Variants in PRDM7 observed in about 807,000 individuals in gnomAD.
The protein encoded by PRDM7 is histone-lysine N-methyltransferase PRDM7.
PRDM7 carries 52 observed loss-of-function variants against 64.3 expected under a neutral mutation model. The observed-to-expected ratio is 0.81, with a 90% CI of 0.65 to 1.02. The LOEUF is 1.02. Among genes scored for constraint, PRDM7 ranks in the 50% least tolerant of loss-of-function variants. The pLI is 0.00. For missense variants in PRDM7, 574 were observed against 597.1 expected, an observed-to-expected ratio of 0.96 and a Z score of 0.40; for synonymous variants, 192 against 210.1, an observed-to-expected ratio of 0.91 and a Z score of 0.74.
intron 4 of PRDM7, among the ~76,000 whole-genome samples, chr16:90,074,576 A>T (rs1488584225): frequency 6.6e-6 from 1 of 151,186 alleles, no homozygotes; most frequent in Admixed American, 6.6e-5. Flanking sequence ...ACTCTGTCTT[A>T]AAAAAAATAA....
intron 5 of PRDM7, 27 bp from the exon 6 acceptor site, chr16:90,063,795 A>G (rs1391327792): frequency 2.5e-6 from 4 of 1,612,738 alleles, no homozygotes; most frequent in Non-Finnish European, 3.4e-6. Flanking sequence ...ACATATTAAA[A>G]GACAACGTGC....
intron 6 of PRDM7, among the ~76,000 whole-genome samples, chr16:90,063,094 G>C (rs1450765317): frequency 2.0e-5 from 3 of 152,186 alleles, no homozygotes; most frequent in Admixed American, 6.5e-5. Flanking sequence ...CAATGCTTCT[G>C]TGTGGATTAT....
intron 10 of PRDM7, 140 bp downstream of exon 10, chr16:90,060,201 T>C: frequency 8.0e-7 from 1 of 1,246,776 alleles, no homozygotes. Flanking sequence ...ATAACATGAA[T>C]CTTTAATTTT....
chr16:90,066,038 T>C (rs940884139), intron 5 of PRDM7, among the ~76,000 whole-genome samples: 2 of 151,256 alleles, frequency 1.3e-5, no homozygotes, highest in African/African-American at 2.5e-5. Context: ...AGTTCCCTAA[T>C]TGGAGCCCAG....
chr16:90,073,555 G>A (rs1489894829), intron 4 of PRDM7, among the ~76,000 whole-genome samples: 1 of 151,892 alleles, frequency 6.6e-6, no homozygotes, highest in Non-Finnish European at 1.5e-5. Flanking sequence ...GCCCGCCACC[G>A]TGCCTGGCTA....
At chr16:90,060,168 C>A (rs2037747813) in intron 10 of PRDM7, among the ~76,000 whole-genome samples, 173 bp downstream of exon 10, 1 of 152,170 alleles carries the variant, frequency 6.6e-6, no homozygotes, top group Non-Finnish European at 1.5e-5. Context: ...AATATAAAAA[C>A]TGTTCCAAAG....
At position 90,057,769 on chromosome 16, in the gene PRDM7, G is replaced by T. The variant is rs2037706208; in HGVS notation, c.*520C>A. On this transcript the variant is annotated 3_prime_UTR_variant, in exon 11 of 11. Transcript: ENST00000449207. Reference sequence around the variant, plus strand: ...TCGCTGAAGCCACCTCAGAGCTGGGGTGTGCAAGTGTGTGGTGATCACGTT... The same window carrying T: ...TCGCTGAAGCCACCTCAGAGCTGGGTTGTGCAAGTGTGTGGTGATCACGTT... 2.3e-6 allele frequency: 3 copies of T among 1,319,410 alleles called. No homozygotes were observed. Among genetic ancestry groups the T allele is most frequent in the Middle Eastern group, 2.8e-4 (1 of 3,612 alleles). 81.7% of individuals were successfully genotyped at this position (1,319,410 alleles called of 1,614,324 possible).
Position 90,060,618 on chromosome 16 carries a change from A to C in PRDM7, c.956T>G (p.Val319Gly), listed in dbSNP as rs776158335. 4.3e-6 allele frequency: 7 copies of C among 1,614,080 alleles called. No individual in the cohort carries two copies. The South Asian group carries it at 5.5e-5, about 13-fold the overall frequency. Residue 319 changes from valine to glycine, a missense_variant, in exon 10 of 11, where the codon GTG becomes GGG. Val to Gly is a moderately radical substitution (Grantham distance 109). Coordinates refer to ENST00000449207, the MANE Select transcript of PRDM7 (RefSeq NM_001098173.2). Reference sequence around the variant, plus strand: ...CTCTTCATCATCCCGGGCACAGTTCACATACCTGGGGTCAAGGCAGGCAAA... The same window carrying C: ...CTCTTCATCATCCCGGGCACAGTTCCCATACCTGGGGTCAAGGCAGGCAAA... ...DKSSANWMRY[V>G]NCARDDEEQN...
Position 90,058,056 on chromosome 16 carries a change from T to C in PRDM7, c.*233A>G. On this transcript the variant is annotated 3_prime_UTR_variant, in exon 11 of 11. Transcript: ENST00000449207. ...TCCCCCCTGTGTGTGTCCTTTGGTG[T>C]GTAATAACATCTGACTTATCACTGA... 6.2e-7 allele frequency: 1 copy of C among 1,612,684 alleles called. No homozygotes were observed. Among genetic ancestry groups the C allele is most frequent in the Non-Finnish European group, 8.5e-7 (1 of 1,179,002 alleles).
chr16:90,076,356 G>C (rs574156303), intron 1 of PRDM7, among the ~76,000 whole-genome samples: 1 of 152,226 alleles, frequency 6.6e-6, no homozygotes, highest in East Asian at 1.9e-4. Flanking sequence ...GCTGGGACTT[G>C]GGTCACACTG....
At chr16:90,065,333 C>T (rs571494293) in intron 5 of PRDM7, among the ~76,000 whole-genome samples, 2 of 133,548 alleles carry the variant, frequency 1.5e-5, no homozygotes, top group South Asian at 4.6e-4. Context: ...GTGGAGGTTG[C>T]AGTGAGCCGA....
intron 5 of PRDM7, among the ~76,000 whole-genome samples, chr16:90,066,374 T>G (rs1464438209): frequency 6.6e-6 from 1 of 151,108 alleles, no homozygotes; most frequent in Non-Finnish European, 1.5e-5. Context: ...GGTTGAAAAA[T>G]CAATTGGACG....
chr16:90,063,011 T>C (rs1567876290), intron 6 of PRDM7, among the ~76,000 whole-genome samples: 1 of 152,204 alleles, frequency 6.6e-6, no homozygotes, highest in Non-Finnish European at 1.5e-5. Context: ...ATACATGAGC[T>C]CTATATACTT....
Position 90,063,681 on chromosome 16 carries a change from G to C in PRDM7, c.439C>G (p.Gln147Glu). Residue 147 changes from glutamine (Q) to glutamate (E), a missense_variant, in exon 6 of 11, where the codon CAG (glutamine) becomes GAG (glutamate). Transcript: ENST00000449207. ...GGAGGGGACACTGGTTTCTGAGCCT[G>C]CTCTGAGTCACTTGTATTCAGTAAA... Reference protein sequence around the residue: ...PNLLNTSDSEQAQKPVSPPGE... With the variant: ...PNLLNTSDSEEAQKPVSPPGE... The C allele has an allele frequency of 6.2e-7, 1 of 1,614,176 alleles. No individual in the cohort carries two copies. Among genetic ancestry groups the C allele is most frequent in the Non-Finnish European group, 8.5e-7 (1 of 1,180,018 alleles).
At chr16:90,072,967 C>A (rs1208698715) in intron 4 of PRDM7, among the ~76,000 whole-genome samples, 1 of 152,186 alleles carries the variant, frequency 6.6e-6, no homozygotes, top group East Asian at 1.9e-4. Flanking sequence ...AAGTTGCTTT[C>A]TCCAGTTTGG....
In PRDM7 at chr16:90,058,462, T is replaced by A. The variant is rs1440200673; in HGVS notation, c.1306A>T (p.Met436Leu). ...CTGAGAGGAGTGATTGCGTTCCACA[T>A]GTTGACTGAGAAATTTTTGACTTGA... ...PFQVKNFSVN[M>L]WNAITPLRTS... The change falls in exon 11 of 11, where the codon ATG becomes TTG. Residue 436 changes from methionine (M) to leucine (L), a missense_variant. Physicochemically the swap from Met to Leu is conservative, Grantham distance 15. Transcript: ENST00000449207. 6.2e-7 allele frequency: 1 copy of A among 1,614,200 alleles called. No individual in the cohort carries two copies. The highest frequency in any genetic ancestry group is 1.7e-5 in the Admixed American group (1 of 60,022).
At chr16:90,065,769 C>G (rs1215230132) in intron 5 of PRDM7, among the ~76,000 whole-genome samples, 1 of 151,420 alleles carries the variant, frequency 6.6e-6, no homozygotes. Context: ...AAATAACAAA[C>G]GAAAATTATC....
intron 4 of PRDM7, among the ~76,000 whole-genome samples, chr16:90,074,661 G>A (rs1163072932): frequency 6.6e-6 from 1 of 151,984 alleles, no homozygotes; most frequent in Non-Finnish European, 1.5e-5. Flanking sequence ...ATCACCTGAG[G>A]TCAGGAGTTC....
intron 4 of PRDM7, among the ~76,000 whole-genome samples, chr16:90,069,083 G>A (rs2037920744): frequency 6.6e-6 from 1 of 151,208 alleles, no homozygotes. Context: ...TAAAGTTGAA[G>A]GCCTCACACT....
Sources: gnomAD v4.1 joint callset for allele counts (sites outside exome capture counted in the v4.1 genomes callset) on GRCh38, gnomAD v4.1.1 for gene constraint, MANE v1.5 for transcripts, NCBI Gene and HGNC (gene_info 2026-07-23, HGNC 2026-07-21) for gene names.